The following TIAM2 variants were observed in gnomAD, a reference collection of about 807,000 sequenced individuals.
The protein encoded by TIAM2 is TIAM Rac1 associated GEF 2, also known as rho guanine nucleotide exchange factor TIAM2.
Under a neutral mutation model 152.9 loss-of-function variants are expected in TIAM2, and 80 were observed. The observed-to-expected ratio is 0.52, with a 90% confidence interval of 0.44 to 0.63. The LOEUF is 0.63. TIAM2 is among the 30% of genes least tolerant of loss of function. The pLI, the probability that TIAM2 is intolerant of heterozygous loss-of-function variation, is 0.00. For synonymous variants in TIAM2, 804 were observed against 838.0 expected, an observed-to-expected ratio of 0.96 and a Z score of 0.70; for missense variants, 1,965 against 2,120.1, an observed-to-expected ratio of 0.93 and a Z score of 1.44.
chr6:155,009,367 T>G (rs1778450440), intron 1 of TIAM2, among the ~76,000 whole-genome samples: 2 of 151,748 alleles, frequency 1.3e-5, no homozygotes, highest in African/African-American at 4.8e-5. Flanking sequence ...CTCCCAAAGT[T>G]CTAGGATTAC....
In TIAM2 at chr6:155,122,844, A is replaced by C. The variant is rs557777801; in HGVS notation, c.-117-4646A>C. On this transcript the variant is annotated intron_variant, in intron 2 of 26. Transcript: ENST00000682666. ...TATTTGTAAACACCAGGCCCTTTTAAAGTACTTTTTTTTTTTTTTGAAGAG... is the reference window on the plus strand; with the variant it reads ...TATTTGTAAACACCAGGCCCTTTTACAGTACTTTTTTTTTTTTTTGAAGAG... Among the ~76,000 whole-genome samples, 5 of 133,942 alleles carry C rather than the reference A, an allele frequency of 3.7e-5. No homozygotes were observed. The East Asian group carries it at 1.1e-3, about 30-fold the overall frequency. The allele number at this position is 133,942 out of a possible 152,430, so 87.9% of individuals were successfully genotyped here.
At chr6:155,119,339 CTCT>C (rs1779097035) in intron 2 of TIAM2, among the ~76,000 whole-genome samples, 2 of 149,386 alleles carry the variant, frequency 1.3e-5, no homozygotes, top group East Asian at 2.0e-4. Flanking sequence ...CTGGCCCTGA[CTCT>C]TCTTTTCTTT....
intron 14 of TIAM2, among the ~76,000 whole-genome samples, chr6:155,183,905 GC>G (rs778598238): frequency 3.4e-4 from 52 of 152,184 alleles, no homozygotes; most frequent in Non-Finnish European, 6.6e-4. Flanking sequence ...TCTTAGAACA[GC>G]CCGTGCATTT....
At chr6:155,255,580 G>T (rs1783947624) in intron 26 of TIAM2, 1 of 151,684 alleles carries the variant, frequency 6.6e-6, no homozygotes, top group Non-Finnish European at 1.5e-5. Flanking sequence ...CCAAAACTGA[G>T]AACTCCCTTC....
At chr6:155,118,726 C>G (rs546771409) in intron 2 of TIAM2, among the ~76,000 whole-genome samples, 1 of 152,078 alleles carries the variant, frequency 6.6e-6, no homozygotes, top group African/African-American at 2.4e-5. Flanking sequence ...TGAGCCACCG[C>G]GCACGGCCTT....
chr6:155,011,181 C>T (rs13219291), intron 1 of TIAM2, among the ~76,000 whole-genome samples: 20,702 of 152,056 alleles, frequency 0.14, 1,480 homozygotes, highest in Middle Eastern at 0.18. Flanking sequence ...ATATTTCAGG[C>T]GGTTATGCAA....
intron 1 of TIAM2, among the ~76,000 whole-genome samples, chr6:154,999,766 G>T (rs1483057718): frequency 6.6e-6 from 1 of 150,916 alleles, no homozygotes; most frequent in Non-Finnish European, 1.5e-5. Flanking sequence ...TCTGCCTCCC[G>T]GGTCCTGGTT....
chr6:155,253,229 A>G (rs140928415), intron 24 of TIAM2, 176 bp downstream of exon 24: 2 of 537,450 alleles, frequency 3.7e-6, no homozygotes, highest in African/African-American at 3.8e-5. Flanking sequence ...GGGAGAAACT[A>G]AATGCTGGTG....
chr6:155,159,017 T>C (rs1050409051), intron 7 of TIAM2, among the ~76,000 whole-genome samples: 4 of 152,336 alleles, frequency 2.6e-5, no homozygotes, highest in Admixed American at 2.6e-4. Flanking sequence ...TGAACTGTAC[T>C]GAATCTCTAA....
At chr6:155,105,796 G>A (rs560403882) in intron 2 of TIAM2, among the ~76,000 whole-genome samples, 75 of 151,892 alleles carry the variant, frequency 4.9e-4, no homozygotes, top group Non-Finnish European at 9.1e-4. Flanking sequence ...AAAATCTCTT[G>A]CCACATGTTT....
At chr6:155,161,736 G>GT (rs34121325) in intron 7 of TIAM2, among the ~76,000 whole-genome samples, 6,610 of 147,422 alleles carry the variant, frequency 0.045, 487 homozygotes, top group African/African-American at 0.15. Context: ...CCTGGCTAAT[G>GT]TTTTTTTTTT....
chr6:155,008,807 A>G (rs12210329), intron 1 of TIAM2, among the ~76,000 whole-genome samples: 22,164 of 152,216 alleles, frequency 0.15, 1,644 homozygotes, highest in Middle Eastern at 0.19. Flanking sequence ...TGAGAAAAGA[A>G]AAATGCGCTG....
At chr6:155,124,240 T>C (rs986144701) in intron 2 of TIAM2, among the ~76,000 whole-genome samples, 16 of 152,164 alleles carry the variant, frequency 1.1e-4, no homozygotes, top group African/African-American at 2.9e-4. Context: ...AGGCTGGTCT[T>C]GACCTCCTGG....
intron 1 of TIAM2, among the ~76,000 whole-genome samples, chr6:155,009,017 G>C (rs1182784910): frequency 6.6e-6 from 1 of 151,858 alleles, no homozygotes; most frequent in Non-Finnish European, 1.5e-5. Context: ...AAACTTCAGG[G>C]CATCAGAATC....
At chr6:155,046,401 T>C (rs1777176343) in intron 1 of TIAM2, among the ~76,000 whole-genome samples, 1 of 144,570 alleles carries the variant, frequency 6.9e-6, no homozygotes, top group Admixed American at 7.3e-5. Flanking sequence ...AGTGGCGTGA[T>C]CTCGGCTCAC....
At chr6:155,163,589 T>G (rs1371998184) in intron 7 of TIAM2, among the ~76,000 whole-genome samples, 1 of 152,232 alleles carries the variant, frequency 6.6e-6, no homozygotes, top group African/African-American at 2.4e-5. Flanking sequence ...AGATACTTAC[T>G]TAGGAGTATA....
chr6:155,201,495 ATC>A (rs1290539411), intron 14 of TIAM2, among the ~76,000 whole-genome samples: 3 of 152,224 alleles, frequency 2.0e-5, no homozygotes, highest in Admixed American at 6.5e-5. Context: ...TTGGCTGAAG[ATC>A]TCTCTCGTCA....
At chr6:154,996,998 C>T (rs1778224147) in intron 1 of TIAM2, among the ~76,000 whole-genome samples, 2 of 144,518 alleles carry the variant, frequency 1.4e-5, no homozygotes, top group Admixed American at 7.3e-5. Flanking sequence ...AACACCTTCA[C>T]ATACCATACT....
chr6:155,096,939 A>G (rs1778428487), intron 2 of TIAM2, among the ~76,000 whole-genome samples: 1 of 152,214 alleles, frequency 6.6e-6, no homozygotes, highest in Admixed American at 6.5e-5. Flanking sequence ...CGTTCTCCAT[A>G]GTGATTGTAC....
Sources: gnomAD v4.1 joint callset for allele counts (sites outside exome capture counted in the v4.1 genomes callset) on GRCh38, gnomAD v4.1.1 for gene constraint, MANE v1.5 for transcripts, NCBI Gene and HGNC (gene_info 2026-07-23, HGNC 2026-07-21) for gene names.